The following MAPKAP1 variants were observed in gnomAD, a reference collection of about 807,000 sequenced individuals.
MAPKAP1 encodes MAPK associated protein 1.
A neutral mutation model predicts 65.7 loss-of-function variants in MAPKAP1; 20 were observed. The ratio of observed to expected loss-of-function variants is 0.30; its 90% CI spans 0.21 to 0.44. The LOEUF (loss-of-function observed/expected upper bound fraction) is 0.44, where lower values mean the gene tolerates loss of function less well. Among genes scored for constraint, MAPKAP1 ranks in the 20% least tolerant of loss-of-function variants. The pLI is 1.00. For missense variants in MAPKAP1, 423 were observed against 648.0 expected (o/e 0.65, Z 3.77); for synonymous variants, 222 against 244.3 (o/e 0.91, Z 0.85).
At chr9:125,467,476 C>T (rs1048241920) in intron 10 of MAPKAP1, among the ~76,000 whole-genome samples, 1 of 152,198 alleles carries the variant, frequency 6.6e-6, no homozygotes, top group African/African-American at 2.4e-5. Flanking sequence ...GCTGGTAGGT[C>T]ATGCAGCTGC....
At position 125,630,959 on chromosome 9, in the gene MAPKAP1, T is replaced by A. The variant is rs111724917; in HGVS notation, c.498+26692A>T. ...ATAATTTTTAAAAATTAGCTGGGCA[T>A]GGTGGCATGCACCTGTGGTCCCAGC... On this transcript the variant is annotated intron_variant, in intron 4 of 11. Transcript: ENST00000265960. 6.2e-3 allele frequency among the ~76,000 whole-genome samples: 946 copies of A among 152,230 alleles called. 5 individuals are homozygous for A. The highest frequency in any genetic ancestry group is 0.02 in the Middle Eastern group (6 of 294).
rs932153683 is a variant in MAPKAP1, at chr9:125,707,093, C to G, written c.-192G>C. Reference sequence around the variant, plus strand: ...TCTGCACTCTCGGGATCCACGGGGACCGGCGCTCCTCCCGGCCCGCTCAGC... The same window carrying G: ...TCTGCACTCTCGGGATCCACGGGGAGCGGCGCTCCTCCCGGCCCGCTCAGC... On this transcript the variant is annotated 5_prime_UTR_variant, in exon 1 of 12. Transcript: ENST00000265960. 6 of 398,112 alleles carry G rather than the reference C, an allele frequency of 1.5e-5. No homozygotes were observed. Among genetic ancestry groups the G allele is most frequent in the African/African-American group, 1.0e-4 (5 of 48,626 alleles). 24.7% of individuals were successfully genotyped at this position (398,112 alleles called of 1,614,324 possible).
intron 10 of MAPKAP1, among the ~76,000 whole-genome samples, chr9:125,445,728 G>A (rs1252774327): frequency 1.3e-5 from 2 of 152,258 alleles, no homozygotes; most frequent in Non-Finnish European, 2.9e-5. Context: ...CCCAGGCTCA[G>A]GCCCATGGGG....
chr9:125,572,258 GA>G (rs1339779989), intron 5 of MAPKAP1, among the ~76,000 whole-genome samples: 2 of 152,138 alleles, frequency 1.3e-5, no homozygotes, highest in South Asian at 4.1e-4. Context: ...AAGAGGAGAG[GA>G]ATTTACTCAA....
intron 4 of MAPKAP1, among the ~76,000 whole-genome samples, chr9:125,619,320 G>A (rs986020512): frequency 1.3e-5 from 2 of 151,872 alleles, no homozygotes; most frequent in African/African-American, 2.4e-5. Context: ...CAATAACATC[G>A]GAAAAGAGAA....
chr9:125,484,616 A>G (rs1854431730), intron 8 of MAPKAP1, 33 bp from the exon 9 acceptor site: 1 of 1,580,058 alleles, frequency 6.3e-7, no homozygotes, highest in South Asian at 1.2e-5. Flanking sequence ...ACACATAAAG[A>G]TACATGAGGC....
chr9:125,694,381 C>T (rs528721711), intron 1 of MAPKAP1, among the ~76,000 whole-genome samples: 2 of 152,006 alleles, frequency 1.3e-5, no homozygotes, highest in African/African-American at 4.8e-5. Flanking sequence ...TGCAGTTCTT[C>T]ATAACTGTAG....
intron 11 of MAPKAP1, among the ~76,000 whole-genome samples, chr9:125,441,540 T>G (rs966013875): frequency 6.6e-6 from 1 of 152,250 alleles, no homozygotes. Flanking sequence ...AAAAGCTCGA[T>G]GGAGGCTTTG....
rs553252610 is a variant in MAPKAP1, at chr9:125,507,862, T to A, written c.959-1445A>T. On this transcript the variant is annotated intron_variant, in intron 7 of 11. Transcript: ENST00000265960. Reference sequence around the variant, plus strand: ...TATTGGTAGTAAATTCATTTTTTTTTAAAATTCTAATTTCAAAAGTGTTAA... The same window carrying A: ...TATTGGTAGTAAATTCATTTTTTTTAAAAATTCTAATTTCAAAAGTGTTAA... 4.2e-3 allele frequency among the ~76,000 whole-genome samples: 637 copies of A among 152,264 alleles called. 2 individuals are homozygous for A. The highest frequency in any genetic ancestry group is 5.7e-3 in the African/African-American group (236 of 41,560).
intron 4 of MAPKAP1, among the ~76,000 whole-genome samples, chr9:125,597,554 T>C (rs538702437): frequency 2.6e-5 from 4 of 152,328 alleles, no homozygotes; most frequent in African/African-American, 7.2e-5. Context: ...CAGTAATAAA[T>C]TGAGTATCAG....
intron 4 of MAPKAP1, among the ~76,000 whole-genome samples, chr9:125,623,668 G>C (rs868711735): frequency 6.1e-5 from 1 of 16,264 alleles, no homozygotes; most frequent in African/African-American, 6.9e-5. Flanking sequence ...AGTGAGGAGC[G>C]TCTCTGCCCA....
intron 4 of MAPKAP1, among the ~76,000 whole-genome samples, chr9:125,651,103 G>T (rs888509990): frequency 6.6e-6 from 1 of 152,048 alleles, no homozygotes; most frequent in African/African-American, 2.4e-5. Flanking sequence ...ACATGCTGGG[G>T]TTACAGGCAT....
intron 6 of MAPKAP1, among the ~76,000 whole-genome samples, chr9:125,544,321 T>A (rs933041255): frequency 3.3e-5 from 5 of 152,212 alleles, no homozygotes; most frequent in East Asian, 1.9e-4. Flanking sequence ...TTTTTTTTTT[T>A]AAATACAGTC....
chr9:125,660,308 T>C (rs1834146821), intron 3 of MAPKAP1, among the ~76,000 whole-genome samples: 1 of 152,218 alleles, frequency 6.6e-6, no homozygotes, highest in South Asian at 2.1e-4. Flanking sequence ...GGGAACTTTT[T>C]TGGGGTGACA....
At chr9:125,547,265 G>T (rs1830453765) in intron 6 of MAPKAP1, among the ~76,000 whole-genome samples, 1 of 152,160 alleles carries the variant, frequency 6.6e-6, no homozygotes, top group South Asian at 2.1e-4. Context: ...CAGGGACACA[G>T]GTCTTCATCT....
At chr9:125,620,718 T>C (rs1832872649) in intron 4 of MAPKAP1, among the ~76,000 whole-genome samples, 1 of 152,172 alleles carries the variant, frequency 6.6e-6, no homozygotes, top group Non-Finnish European at 1.5e-5. Flanking sequence ...GAGACAGATT[T>C]CCAATCACAT....
chr9:125,662,672 G>T (rs1452545571), intron 3 of MAPKAP1, among the ~76,000 whole-genome samples: 1 of 151,932 alleles, frequency 6.6e-6, no homozygotes, highest in Non-Finnish European at 1.5e-5. Flanking sequence ...GACAGAGCAA[G>T]ACTCCGTCTT....
chr9:125,602,740 T>G (rs1371886798), intron 4 of MAPKAP1, among the ~76,000 whole-genome samples: 4 of 152,088 alleles, frequency 2.6e-5, no homozygotes, highest in African/African-American at 9.7e-5. Flanking sequence ...ATTATCTCAT[T>G]TAATATGCCC....
intron 4 of MAPKAP1, among the ~76,000 whole-genome samples, chr9:125,602,421 C>T: frequency 6.6e-6 from 1 of 152,190 alleles, no homozygotes; most frequent in East Asian, 1.9e-4. Flanking sequence ...CCGCGTCTTC[C>T]AGACAGCATC....
Sources: allele counts gnomAD v4.1 joint callset (sites outside exome capture counted in the v4.1 genomes callset), GRCh38; gene constraint gnomAD v4.1.1; transcripts MANE v1.5; gene names NCBI Gene and HGNC (gene_info 2026-07-23, HGNC 2026-07-21).